Variants in RIT2 observed in about 807,000 individuals in gnomAD.
RIT2 encodes the protein Ras like without CAAX 2.
In RIT2, 24 loss-of-function variants were observed where a neutral mutation model predicts 23.7. The observed-to-expected ratio is 1.01, with a 90% CI of 0.73 to 1.43. The LOEUF is 1.43. Among genes scored for constraint, RIT2 ranks in the 40% most tolerant of loss-of-function variants. The probability of loss-of-function intolerance (pLI) is 0.00; values close to 1 mark genes in which losing one functional copy is unlikely to be tolerated. For synonymous variants in RIT2, 107 were observed against 91.1 expected (o/e 1.17, Z -0.99); for missense variants, 236 against 266.9 (o/e 0.88, Z 0.81).
intron 4 of RIT2, among the ~76,000 whole-genome samples, chr18:42,840,756 C>A (rs569714579): frequency 6.6e-6 from 1 of 152,228 alleles, no homozygotes; most frequent in Non-Finnish European, 1.5e-5. Flanking sequence ...CCGCCTTGGC[C>A]TCCCAAAGTG....
chr18:42,966,294 T>C (rs1910222639), intron 3 of RIT2, among the ~76,000 whole-genome samples: 1 of 152,204 alleles, frequency 6.6e-6, no homozygotes, highest in Non-Finnish European at 1.5e-5. Flanking sequence ...GGAAATGCTT[T>C]GAATTAATGG....
At chr18:42,962,294 A>G (rs1399542542) in intron 3 of RIT2, among the ~76,000 whole-genome samples, 3 of 152,236 alleles carry the variant, frequency 2.0e-5, no homozygotes, top group Non-Finnish European at 1.5e-5. Flanking sequence ...GGACAATGAG[A>G]AAACAATTTT....
At chr18:42,897,380 G>A (rs1672949795) in intron 4 of RIT2, among the ~76,000 whole-genome samples, 1 of 152,114 alleles carries the variant, frequency 6.6e-6, no homozygotes, top group Admixed American at 6.6e-5. Context: ...TGCCCAGAGG[G>A]ACTAGGAAGA....
chr18:43,101,937 G>C (rs1421457660), intron 1 of RIT2, among the ~76,000 whole-genome samples: 1 of 152,038 alleles, frequency 6.6e-6, no homozygotes, highest in Non-Finnish European at 1.5e-5. Context: ...AGACAAAATA[G>C]GAAGGAAAAA....
intron 1 of RIT2, among the ~76,000 whole-genome samples, chr18:43,113,215 A>G (rs750452091): frequency 5.9e-5 from 9 of 152,216 alleles, no homozygotes; most frequent in Non-Finnish European, 1.2e-4. Context: ...CACAGGGGAA[A>G]GTCCAAGGAC....
At chr18:43,107,844 G>T (rs996841840) in intron 1 of RIT2, among the ~76,000 whole-genome samples, 4 of 151,886 alleles carry the variant, frequency 2.6e-5, no homozygotes, top group African/African-American at 9.7e-5. Context: ...TCATATAGAC[G>T]ATTTTGTGTG....
chr18:42,961,988 CTA>C (rs1180639362), intron 3 of RIT2, among the ~76,000 whole-genome samples: 1 of 152,118 alleles, frequency 6.6e-6, no homozygotes, highest in African/African-American at 2.4e-5. Context: ...CCTGTCTCAC[CTA>C]TGTTTTGCCT....
chr18:42,762,085 G>C (rs1913315675), intron 4 of RIT2, among the ~76,000 whole-genome samples: 1 of 152,136 alleles, frequency 6.6e-6, no homozygotes, highest in Non-Finnish European at 1.5e-5. Context: ...CATTTGTATA[G>C]GTCTCACTGG....
chr18:42,779,060 T>C (rs1233220826), intron 4 of RIT2, among the ~76,000 whole-genome samples: 1 of 152,174 alleles, frequency 6.6e-6, no homozygotes, highest in Non-Finnish European at 1.5e-5. Flanking sequence ...TCTTTTTTGA[T>C]TCCAAAAAAT....
chr18:42,953,836 T>C (rs912303775), intron 3 of RIT2, among the ~76,000 whole-genome samples: 1 of 152,136 alleles, frequency 6.6e-6, no homozygotes, highest in Non-Finnish European at 1.5e-5. Flanking sequence ...AGAATAATAG[T>C]AGAGACCAGA....
chr18:42,973,661 T>G (rs913352778), intron 3 of RIT2, among the ~76,000 whole-genome samples: 1 of 151,882 alleles, frequency 6.6e-6, no homozygotes, highest in Non-Finnish European at 1.5e-5. Flanking sequence ...ATCTTGGTTA[T>G]GTCACTTATT....
intron 2 of RIT2, among the ~76,000 whole-genome samples, chr18:42,982,314 T>C (rs921614770): frequency 3.3e-5 from 5 of 152,144 alleles, no homozygotes; most frequent in African/African-American, 9.6e-5. Context: ...ATTTGTTCTC[T>C]GCGGGCCCCC....
At chr18:42,875,724 A>C (rs1907728477) in intron 4 of RIT2, among the ~76,000 whole-genome samples, 1 of 151,986 alleles carries the variant, frequency 6.6e-6, no homozygotes, top group Non-Finnish European at 1.5e-5. Context: ...CAGTGAAGCC[A>C]CCCTTTTTGT....
At chr18:43,049,972 CTTTTTTTTTTTTT>C (rs755291383) in intron 1 of RIT2, among the ~76,000 whole-genome samples, 14 of 66,002 alleles carry the variant, frequency 2.1e-4, no homozygotes, top group African/African-American at 7.2e-4. Context: ...AAGGGATTTC[CTTTTTTTTTTTTT>C]TTTTTTTTTT....
intron 4 of RIT2, among the ~76,000 whole-genome samples, chr18:42,854,020 A>G (rs948300085): frequency 6.6e-6 from 1 of 152,172 alleles, no homozygotes. Flanking sequence ...AGCTTAGTAC[A>G]TGGTTTGATC....
At chr18:42,828,636 A>G (rs1281998742) in intron 4 of RIT2, among the ~76,000 whole-genome samples, 1 of 152,234 alleles carries the variant, frequency 6.6e-6, no homozygotes, top group African/African-American at 2.4e-5. Flanking sequence ...ATGAAAATTG[A>G]ACCTTGGTGG....
At chr18:43,057,089 A>G (rs1413373077) in intron 1 of RIT2, among the ~76,000 whole-genome samples, 1 of 151,696 alleles carries the variant, frequency 6.6e-6, no homozygotes, top group African/African-American at 2.4e-5. Flanking sequence ...GTAGGTTGCC[A>G]GTGGAGACTG....
At chr18:42,969,341 G>A (rs1910308658) in intron 3 of RIT2, among the ~76,000 whole-genome samples, 1 of 151,868 alleles carries the variant, frequency 6.6e-6, no homozygotes. Flanking sequence ...CACAAACTGG[G>A]GAAGAAAGGA....
intron 4 of RIT2, among the ~76,000 whole-genome samples, chr18:42,830,131 A>G (rs1057209607): frequency 1.3e-5 from 2 of 152,202 alleles, no homozygotes; most frequent in African/African-American, 2.4e-5. Context: ...CCCTAATGTA[A>G]TGGGCAGAAT....
Sources: allele counts gnomAD v4.1 joint callset (sites outside exome capture counted in the v4.1 genomes callset), GRCh38; gene constraint gnomAD v4.1.1; transcripts MANE v1.5; gene names NCBI Gene and HGNC (gene_info 2026-07-23, HGNC 2026-07-21).